The following RBFOX1 variants were observed in gnomAD, a reference collection of about 807,000 sequenced individuals.
The protein encoded by RBFOX1 is RNA binding fox-1 homolog 1, also known as RNA binding protein fox-1 homolog 1.
Under a neutral mutation model 57.7 loss-of-function variants are expected in RBFOX1, and 8 were observed. The ratio of observed to expected loss-of-function variants is 0.14; its 90% CI spans 0.08 to 0.25. The LOEUF (loss-of-function observed/expected upper bound fraction) is 0.25. Ranked by LOEUF, RBFOX1 falls within the 10% of genes least tolerant of loss-of-function variation. The pLI, the probability that RBFOX1 is intolerant of heterozygous loss-of-function variation, is 1.00. For synonymous variants in RBFOX1, 326 were observed against 222.4 expected, an observed-to-expected ratio of 1.47 and a Z score of -4.15; for missense variants, 611 against 548.5, an observed-to-expected ratio of 1.11 and a Z score of -1.14.
intron 3 of RBFOX1, among the ~76,000 whole-genome samples, chr16:5,625,047 G>A (rs912970000): frequency 6.6e-6 from 1 of 152,148 alleles, no homozygotes; most frequent in Non-Finnish European, 1.5e-5. Context: ...AGGCGGCTCT[G>A]GATTCTATTT....
intron 4 of RBFOX1, among the ~76,000 whole-genome samples, chr16:7,403,798 A>G (rs80273027): frequency 0.071 from 10,771 of 152,058 alleles, 433 homozygotes; most frequent in East Asian, 0.18. Flanking sequence ...CACACACCTC[A>G]GCCTCCCAAA....
intron 4 of RBFOX1, among the ~76,000 whole-genome samples, chr16:7,172,330 G>A (rs1453626348): frequency 6.6e-6 from 1 of 151,996 alleles, no homozygotes; most frequent in African/African-American, 2.4e-5. Flanking sequence ...TTACTCCTCA[G>A]TACCCTACAC....
intron 1 of RBFOX1, among the ~76,000 whole-genome samples, chr16:6,208,289 T>C (rs2097268529): frequency 6.6e-6 from 1 of 152,208 alleles, no homozygotes; most frequent in Admixed American, 6.5e-5. Context: ...TTTTGCTTTA[T>C]ACATGTGTGC....
At position 7,421,596 on chromosome 16, in the gene RBFOX1, G is replaced by C. The variant is rs552729104; in HGVS notation, c.28-96551G>C. 3.3e-5 allele frequency among the ~76,000 whole-genome samples: 5 copies of C among 152,334 alleles called. No homozygotes were observed. The South Asian group carries it at 6.2e-4, about 19-fold the overall frequency. On this transcript the variant is annotated intron_variant, in intron 4 of 15. Transcript: ENST00000550418. ...CTACAGTTTGAGGAAATAAAAGGTAGGTTGGAAGACTGCCGAGGCCCCCAG... is the reference window on the plus strand; with the variant it reads ...CTACAGTTTGAGGAAATAAAAGGTACGTTGGAAGACTGCCGAGGCCCCCAG...
intron 1 of RBFOX1, among the ~76,000 whole-genome samples, chr16:6,182,604 A>T (rs2152793297): frequency 6.6e-6 from 1 of 152,302 alleles, no homozygotes; most frequent in South Asian, 2.1e-4. Context: ...CTATTATTAG[A>T]CATATAGTTG....
At chr16:6,897,612 TG>T (rs1169357543) in intron 3 of RBFOX1, among the ~76,000 whole-genome samples, 9 of 152,044 alleles carry the variant, frequency 5.9e-5, no homozygotes, top group African/African-American at 2.2e-4. Flanking sequence ...GCCAACATGG[TG>T]AAACCCCATC....
intron 1 of RBFOX1, among the ~76,000 whole-genome samples, chr16:6,248,489 G>C (rs2097582696): frequency 6.6e-6 from 1 of 152,174 alleles, no homozygotes. Context: ...AATGTGCGTA[G>C]AGTATATTCT....
intron 4 of RBFOX1, among the ~76,000 whole-genome samples, chr16:7,118,387 A>G (rs956410279): frequency 1.3e-5 from 2 of 151,962 alleles, no homozygotes; most frequent in African/African-American, 4.8e-5. Flanking sequence ...GGCTATTCTC[A>G]TCTTCTGAGA....
intron 3 of RBFOX1, among the ~76,000 whole-genome samples, chr16:6,732,724 A>G (rs2068985132): frequency 6.6e-6 from 1 of 152,246 alleles, no homozygotes. Context: ...AGCCTGATTT[A>G]TGCCATGGGA....
chr16:6,745,120 G>A (rs1321705851), intron 3 of RBFOX1, among the ~76,000 whole-genome samples: 1 of 151,982 alleles, frequency 6.6e-6, no homozygotes, highest in Non-Finnish European at 1.5e-5. Context: ...ATCTAAGAAA[G>A]CTCACTAAAG....
chr16:5,406,474 G>GTCCCC (rs959773253), intron 1 of RBFOX1, among the ~76,000 whole-genome samples: 2 of 152,108 alleles, frequency 1.3e-5, no homozygotes, highest in Admixed American at 1.3e-4. Context: ...TGGGTTTCCA[G>GTCCCC]TTTGTGGATG....
chr16:5,779,284 T>C (rs2054250233), intron 3 of RBFOX1, among the ~76,000 whole-genome samples: 1 of 152,220 alleles, frequency 6.6e-6, no homozygotes, highest in African/African-American at 2.4e-5. Context: ...ATCTTGAATT[T>C]AAATTGTGAA....
chr16:5,501,018 T>C (rs1444388312), intron 2 of RBFOX1, among the ~76,000 whole-genome samples: 2 of 151,964 alleles, frequency 1.3e-5, no homozygotes, highest in Non-Finnish European at 2.9e-5. Context: ...TCCATGAGCC[T>C]GAAAAAAGAA....
chr16:5,418,779 G>T (rs475603), intron 1 of RBFOX1, among the ~76,000 whole-genome samples: 1 of 152,072 alleles, frequency 6.6e-6, no homozygotes, highest in Non-Finnish European at 1.5e-5. Flanking sequence ...CCTTCTGCAC[G>T]ATTTATGGAG....
intron 1 of RBFOX1, among the ~76,000 whole-genome samples, chr16:6,292,081 C>G (rs2077526866): frequency 6.6e-6 from 1 of 151,960 alleles, no homozygotes; most frequent in Non-Finnish European, 1.5e-5. Context: ...TGACTTTAAA[C>G]AAGAGAAGGT....
chr16:6,240,746 C>G (rs1008411530), intron 1 of RBFOX1, among the ~76,000 whole-genome samples: 1 of 152,084 alleles, frequency 6.6e-6, no homozygotes, highest in Non-Finnish European at 1.5e-5. Flanking sequence ...GACGTCTTGG[C>G]TACTTACAAC....
rs180854629 is a variant in RBFOX1, at chr16:7,014,237, G to C, written c.-15-37820G>C. 1.5e-3 allele frequency among the ~76,000 whole-genome samples: 234 copies of C among 152,132 alleles called. 1 individual carries two copies. The highest frequency in any genetic ancestry group is 5.5e-3 in the African/African-American group (227 of 41,506). ...AGGTTTTGTTTGTTTTTGAAGTGGA[G>C]TCTCGCTCTGTCGCCCAGGCTGGAG... On this transcript the variant is annotated intron_variant, in intron 3 of 15. Coordinates refer to ENST00000550418, the MANE Select transcript of RBFOX1 (RefSeq NM_018723.4).
intron 4 of RBFOX1, among the ~76,000 whole-genome samples, chr16:7,341,648 TC>T (rs534063620): frequency 6.6e-6 from 1 of 152,100 alleles, no homozygotes; most frequent in African/African-American, 2.4e-5. Context: ...AGAGAGATAC[TC>T]CAAATGACAG....
At chr16:6,704,054 G>C (rs554199995) in intron 3 of RBFOX1, 3 of 152,200 alleles carry the variant, frequency 2.0e-5, no homozygotes, top group Non-Finnish European at 2.9e-5. Flanking sequence ...CCTCCTCCTC[G>C]AGCTCTTTGA....
Sources: allele counts gnomAD v4.1 joint callset (sites outside exome capture counted in the v4.1 genomes callset), GRCh38; gene constraint gnomAD v4.1.1; transcripts MANE v1.5; gene names NCBI Gene and HGNC (gene_info 2026-07-23, HGNC 2026-07-21).